The following EEF2K variants were observed in gnomAD, a reference collection of about 807,000 sequenced individuals.
EEF2K encodes the protein eukaryotic elongation factor 2 kinase.
In EEF2K, 70 loss-of-function variants were observed where a neutral mutation model predicts 93.8. The observed-to-expected ratio is 0.75, with a 90% CI of 0.62 to 0.91. EEF2K has a LOEUF of 0.91. Ranked by LOEUF, EEF2K falls within the 40% of genes least tolerant of loss-of-function variation. The probability of loss-of-function intolerance (pLI) is 0.00; values close to 1 mark genes in which losing one functional copy is unlikely to be tolerated. For missense variants in EEF2K, 935 were observed against 972.9 expected, an observed-to-expected ratio of 0.96 and a Z score of 0.52; for synonymous variants, 376 against 380.8, an observed-to-expected ratio of 0.99 and a Z score of 0.15.
intron 17 of EEF2K, among the ~76,000 whole-genome samples, chr16:22,282,397 G>A (rs2047702527): frequency 1.3e-5 from 2 of 152,140 alleles, no homozygotes; most frequent in Non-Finnish European, 2.9e-5. Flanking sequence ...AATGAGCTCT[G>A]TGTGATTAGG....
chr16:22,244,814 T>C (rs2047270399), intron 3 of EEF2K, 84 bp downstream of exon 3: 5 of 1,414,154 alleles, frequency 3.5e-6, no homozygotes, highest in Admixed American at 1.8e-5. Flanking sequence ...CTAAGTACTC[T>C]TGGGGGTCAG....
rs535322324 is a variant in EEF2K at position 22,206,858 on chromosome 16, G to A, written c.-77+179G>A. ...TCCTCTGGTTGTTAAACTCTCTGGG[G>A]CTAAGTGCTTGCTTTGGAGAAATGG... On this transcript the variant is annotated intron_variant, in intron 1 of 17. Coordinates refer to ENST00000263026, the MANE Select transcript of EEF2K (RefSeq NM_013302.5). 4.6e-5 allele frequency among the ~76,000 whole-genome samples: 7 copies of A among 152,342 alleles called. No individual in the cohort carries two copies. In the East Asian group the frequency reaches 1.4e-3, roughly 29 times the overall value.
Position 22,256,775 on chromosome 16 carries a change from G to C in EEF2K, c.646G>C (p.Glu216Gln), listed in dbSNP as rs147622817. 3.0e-5 allele frequency: 48 copies of C among 1,613,892 alleles called. No individual in the cohort carries two copies. Among genetic ancestry groups the C allele is most frequent in the Non-Finnish European group, 3.8e-5 (45 of 1,180,006 alleles). The change falls in exon 7 of 18, where the codon GAG becomes CAG. Residue 216 changes from glutamate (E) to glutamine (Q), a missense_variant. Glu to Gln is a conservative substitution (Grantham distance 29, BLOSUM62 2). Transcript: ENST00000263026. ...QVDIMQMCIIELKDRPGKPLF... is the reference protein window; with the variant it reads ...QVDIMQMCIIQLKDRPGKPLF... The stretch of plus-strand genomic sequence containing the variant: ...GGACATCATGCAGATGTGCATCATC[G>C]AGCTGAAGGACAGACCGGGCAAGCC...
rs1598193442 is a variant in EEF2K at position 22,258,378 on chromosome 16, G to C, written c.1030-116G>C. 6 of 1,048,548 alleles carry C rather than the reference G, an allele frequency of 5.7e-6. No homozygotes were observed. In the East Asian group the frequency reaches 1.4e-4, roughly 25 times the overall value. 65.0% of individuals were successfully genotyped at this position (1,048,548 alleles called of 1,614,324 possible). On this transcript the variant is annotated intron_variant, in intron 9 of 17. Coordinates refer to ENST00000263026, the MANE Select transcript of EEF2K (RefSeq NM_013302.5). ...AAGACAATATATCAGCTCCTAAACA[G>C]GCATGTTTAGGAGCTGTGGATGAAG...
intron 17 of EEF2K, among the ~76,000 whole-genome samples, chr16:22,283,176 G>A (rs905265036): frequency 6.6e-6 from 1 of 151,862 alleles, no homozygotes; most frequent in African/African-American, 2.4e-5. Context: ...GGGCGTGGTG[G>A]CAGGTGCCTG....
intron 2 of EEF2K, among the ~76,000 whole-genome samples, chr16:22,241,986 TA>T (rs200620369): frequency 6.6e-6 from 1 of 151,218 alleles, no homozygotes; most frequent in Non-Finnish European, 1.5e-5. Context: ...AAAATAAAAA[TA>T]AAAAAATTAG....
At chr16:22,250,970 CCT>C (rs1487500708) in intron 5 of EEF2K, among the ~76,000 whole-genome samples, 179 bp from the exon 6 acceptor site, 2 of 152,146 alleles carry the variant, frequency 1.3e-5, no homozygotes, top group African/African-American at 4.8e-5. Context: ...CTTTAATCCC[CCT>C]GTCCCAGCTC....
In EEF2K at chr16:22,288,717, AAAGT is replaced by A. The variant is rs1298591051; in HGVS notation, c.*4722_*4725del. The A allele has an allele frequency of 6.6e-6, 1 of 152,074 alleles. No individual in the cohort carries two copies. Among genetic ancestry groups the A allele is most frequent in the Non-Finnish European group, 1.5e-5 (1 of 68,022 alleles). The allele number at this position is 152,074 out of a possible 1,614,324, so 9.4% of individuals were successfully genotyped here. On this transcript the variant is annotated 3_prime_UTR_variant, in exon 18 of 18. Transcript: ENST00000263026. ...TAAGTTCCATTTTCTCTTTACAAAT[AAAGT>A]GTTTTCTTTCTTTTCTGTCTCAGAC...
intron 15 of EEF2K, among the ~76,000 whole-genome samples, chr16:22,268,304 G>C (rs1353019917): frequency 2.0e-5 from 3 of 151,814 alleles, no homozygotes; most frequent in Non-Finnish European, 2.9e-5. Flanking sequence ...TCAGACTCCC[G>C]AGTAGCTGGG....
At position 22,284,846 on chromosome 16, in the gene EEF2K, G is replaced by A. The variant is rs950213580; in HGVS notation, c.*850G>A. ...TTTCTCAGAGCATTTAGAGGCATGC[G>A]TGGCATTTTTTCAGTGGGTGTGAGA... On this transcript the variant is annotated 3_prime_UTR_variant, in exon 18 of 18. Coordinates refer to ENST00000263026, the MANE Select transcript of EEF2K (RefSeq NM_013302.5). 1 of 152,318 alleles carries A rather than the reference G, an allele frequency of 6.6e-6. No individual in the cohort carries two copies. Among genetic ancestry groups the A allele is most frequent in the African/African-American group, 2.4e-5 (1 of 41,436 alleles). 9.4% of individuals were successfully genotyped at this position (152,318 alleles called of 1,614,324 possible). A position where few individuals can be genotyped will look rare whatever the true frequency, so the allele number is the denominator to read the frequency against.
chr16:22,258,055 GGT>G (rs746096869), intron 9 of EEF2K, among the ~76,000 whole-genome samples: 1 of 152,052 alleles, frequency 6.6e-6, no homozygotes, highest in Non-Finnish European at 1.5e-5. Context: ...GAAGGCATGT[GGT>G]GTGTGTGTGT....
intron 2 of EEF2K, 125 bp downstream of exon 2, chr16:22,226,100 C>T: frequency 1.1e-5 from 15 of 1,363,210 alleles, no homozygotes; most frequent in African/African-American, 1.5e-5. Flanking sequence ...AAACTCTGAG[C>T]TGAGGATATA....
chr16:22,256,610 C>T (rs2047401899), intron 6 of EEF2K, 138 bp from the exon 7 acceptor site: 2 of 928,234 alleles, frequency 2.2e-6, no homozygotes, highest in Non-Finnish European at 3.1e-6. Flanking sequence ...ATCAGGAGCT[C>T]CTACAATAGA....
Position 22,266,834 on chromosome 16 carries a change from C to G in EEF2K, c.1722C>G (p.Tyr574Ter). ...CCATCGTGGGCCTGGGACTCATGTA[C>G]TCGCAGTTGCCTCATCACATCCTAG... ...LEAIVGLGLM[Y>*]SQLPHHILAD... Residue 574 changes from tyrosine to a stop codon, truncating the protein, a stop_gained, in exon 15 of 18, where the codon TAC (tyrosine) becomes TAG (stop). Coordinates refer to ENST00000263026, the MANE Select transcript of EEF2K (RefSeq NM_013302.5). LOFTEE classifies it high-confidence loss of function. 1 of 1,613,802 alleles carries G rather than the reference C, an allele frequency of 6.2e-7. No homozygotes were observed. The highest frequency in any genetic ancestry group is 1.1e-5 in the South Asian group (1 of 91,028).
rs915118654 is a variant in EEF2K at position 22,287,083 on chromosome 16, C to T, written c.*3087C>T. The T allele has an allele frequency of 6.6e-6, 1 of 152,240 alleles. No homozygotes were observed. 9.4% of individuals were successfully genotyped at this position (152,240 alleles called of 1,614,324 possible). A position where few individuals can be genotyped will look rare whatever the true frequency, so the allele number is the denominator to read the frequency against. ...GGAGAACTTATTCCACCTTCAAAAC[C>T]TAGTTTGGGCTGGGTGCAGTGGCTC... On this transcript the variant is annotated 3_prime_UTR_variant, in exon 18 of 18. Coordinates refer to ENST00000263026, the MANE Select transcript of EEF2K (RefSeq NM_013302.5).
Position 22,260,477 on chromosome 16 carries a change from G to A in EEF2K, c.1247G>A (p.Ser416Asn), listed in dbSNP as rs1169213057. The change falls in exon 11 of 18, where the codon AGT becomes AAT. Residue 416 changes from serine to asparagine, a missense_variant. By Grantham distance (46) the Ser-to-Asn change is conservative (BLOSUM62 1). Transcript: ENST00000263026. ...CCCTGCCCAGATTGGCCAGTGTTCA[G>A]TGACCTCGATAACATGGCATCCAGA... The part of the protein sequence containing the change: ...KLDHLHWPVF[S>N]DLDNMASRDH... 1 of 1,614,176 alleles carries A rather than the reference G, an allele frequency of 6.2e-7. No individual in the cohort carries two copies. Among genetic ancestry groups the A allele is most frequent in the Admixed American group, 1.7e-5 (1 of 60,016 alleles).
chr16:22,213,626 G>A (rs1040301772), intron 1 of EEF2K, among the ~76,000 whole-genome samples: 1 of 152,162 alleles, frequency 6.6e-6, no homozygotes, highest in African/African-American at 2.4e-5. Context: ...TAGTTCCTGG[G>A]GATCAGAAGT....
intron 15 of EEF2K, among the ~76,000 whole-genome samples, chr16:22,271,388 C>T (rs537975877): frequency 6.6e-6 from 1 of 152,064 alleles, no homozygotes; most frequent in South Asian, 2.1e-4. Flanking sequence ...TTAAATTTTG[C>T]TAATTTAAAG....
Position 22,244,703 on chromosome 16 carries a change from T to C in EEF2K, c.320T>C (p.Ile107Thr). The change falls in exon 3 of 18, where the codon ATT (isoleucine) becomes ACT (threonine). Residue 107 changes from isoleucine (I) to threonine (T), a missense_variant. By Grantham distance (89) the Ile-to-Thr change is moderately conservative. Coordinates refer to ENST00000263026, the MANE Select transcript of EEF2K (RefSeq NM_013302.5). ...TGGGCTGAGTTCCACCTGGAAGATA[T>C]TGCCACCGAACGTGCTACTCGACAC... ...DPWAEFHLEDIATERATRHRY... is the reference protein window; with the variant it reads ...DPWAEFHLEDTATERATRHRY... 6.2e-7 allele frequency: 1 copy of C among 1,613,988 alleles called. No homozygotes were observed. The highest frequency in any genetic ancestry group is 8.5e-7 in the Non-Finnish European group (1 of 1,179,940).
Sources: allele counts gnomAD v4.1 joint callset (sites outside exome capture counted in the v4.1 genomes callset), GRCh38; gene constraint gnomAD v4.1.1; transcripts MANE v1.5; gene names NCBI Gene and HGNC (gene_info 2026-07-23, HGNC 2026-07-21).